ECHDC3: variants seen among roughly 807,000 people sequenced by gnomAD.
ECHDC3 encodes enoyl-CoA hydratase domain-containing protein 3, mitochondrial.
ECHDC3 carries 20 observed loss-of-function variants against 17.9 expected under a neutral mutation model. That is an observed-to-expected ratio of 1.12 (90% CI 0.79 to 1.63). ECHDC3 has a LOEUF of 1.63. Among genes scored for constraint, ECHDC3 ranks in the 40% most tolerant of loss-of-function variants. ECHDC3 has a pLI of 0.00. For synonymous variants in ECHDC3, 177 were observed against 149.7 expected (o/e 1.18, Z -1.33); for missense variants, 407 against 357.7 (o/e 1.14, Z -1.11).
intron 1 of ECHDC3, among the ~76,000 whole-genome samples, chr10:11,746,549 A>G (rs965169367): frequency 6.6e-6 from 1 of 152,198 alleles, no homozygotes; most frequent in Non-Finnish European, 1.5e-5. Context: ...ATCTTCCATC[A>G]CGTGATTATT....
chr10:11,761,081 TGCATGTG>T (rs1832944937), intron 4 of ECHDC3, among the ~76,000 whole-genome samples: 1 of 82,806 alleles, frequency 1.2e-5, no homozygotes, highest in Non-Finnish European at 3.0e-5. Context: ...GCCAGCCCAG[TGCATGTG>T]GGCTCCATCT....
At chr10:11,761,384 A>T (rs1832948969) in intron 4 of ECHDC3, among the ~76,000 whole-genome samples, 1 of 152,184 alleles carries the variant, frequency 6.6e-6, no homozygotes, top group African/African-American at 2.4e-5. Context: ...TGCAAAAGTT[A>T]TCCAAACGTC....
rs1340538158 is a variant in ECHDC3 at position 11,763,698 on chromosome 10, A to G, written c.*154A>G. Reference sequence around the variant, plus strand: ...CATTTGGCCTACATTAAAAGCCACAATTTCATGGGGAAAGGACAAAATGGA... The same window carrying G: ...CATTTGGCCTACATTAAAAGCCACAGTTTCATGGGGAAAGGACAAAATGGA... On this transcript the variant is annotated 3_prime_UTR_variant, in exon 5 of 5. Coordinates refer to ENST00000379215, the MANE Select transcript of ECHDC3 (RefSeq NM_024693.5). This position sits in a 1 kb window ranked among gnomAD's most constrained non-coding sequence, Gnocchi z 4.9. 7.7e-6 allele frequency: 11 copies of G among 1,421,988 alleles called. No individual in the cohort carries two copies. Among genetic ancestry groups the G allele is most frequent in the South Asian group, 6.1e-5 (4 of 65,544 alleles). 88.1% of individuals were successfully genotyped at this position (1,421,988 alleles called of 1,614,324 possible). A position where few individuals can be genotyped will look rare whatever the true frequency, so the allele number is the denominator to read the frequency against.
At chr10:11,748,567 G>A (rs1456350659) in intron 2 of ECHDC3, among the ~76,000 whole-genome samples, 3 of 152,178 alleles carry the variant, frequency 2.0e-5, no homozygotes, top group South Asian at 2.1e-4. Context: ...CTTACAAAAA[G>A]ACAATAATAT....
chr10:11,754,315 C>G (rs1393586026), intron 3 of ECHDC3, among the ~76,000 whole-genome samples: 5 of 152,244 alleles, frequency 3.3e-5, no homozygotes, highest in African/African-American at 1.2e-4. Flanking sequence ...CATCCTCTCT[C>G]CCTGCCAAGG....
Position 11,742,406 on chromosome 10 carries a change from G to T in ECHDC3, c.-171G>T. ...CGTAGTACGGACTGGGCCTGGCCTG[G>T]GGCGTCCCCGCGAAGCCTGGGCCTG... is the stretch of plus-strand genomic sequence containing the variant. On this transcript the variant is annotated 5_prime_UTR_variant, in exon 1 of 5. Transcript: ENST00000379215. 2.1e-6 allele frequency: 1 copy of T among 474,648 alleles called. No individual in the cohort carries two copies. Among genetic ancestry groups the T allele is most frequent in the South Asian group, 1.2e-4 (1 of 8,576 alleles). 29.4% of individuals were successfully genotyped at this position (474,648 alleles called of 1,614,324 possible).
In ECHDC3 at chr10:11,755,601, C is replaced by T. The variant is rs757996121; in HGVS notation, c.584C>T (p.Pro195Leu). ...TPGVALARAV[P>L]RKVALEMLFT... is the part of the protein sequence containing the mutation. The stretch of plus-strand genomic sequence containing the variant: ...GGGGTTGCCTTGGCAAGAGCAGTGC[C>T]TAGAAAGGTAATTTAACTCCCCCCA... Residue 195 changes from proline to leucine, a missense_variant, in exon 4 of 5, where the codon CCT becomes CTT. By Grantham distance (98) the Pro-to-Leu change is moderately conservative. Coordinates refer to ENST00000379215, the MANE Select transcript of ECHDC3 (RefSeq NM_024693.5). 4 of 1,611,956 alleles carry T rather than the reference C, an allele frequency of 2.5e-6. No homozygotes were observed. The highest frequency in any genetic ancestry group is 3.4e-6 in the Non-Finnish European group (4 of 1,179,194).
At chr10:11,748,696 G>T (rs760940173) in intron 2 of ECHDC3, among the ~76,000 whole-genome samples, 1 of 152,160 alleles carries the variant, frequency 6.6e-6, no homozygotes, top group South Asian at 2.1e-4. Context: ...GACCAGCCTG[G>T]CCAACGTGGC....
At chr10:11,757,281 G>T (rs1464401735) in intron 4 of ECHDC3, among the ~76,000 whole-genome samples, 6 of 152,086 alleles carry the variant, frequency 3.9e-5, no homozygotes, top group African/African-American at 1.2e-4. Flanking sequence ...TTAAACTTTT[G>T]AAATCAAGGC....
chr10:11,743,241 C>T (rs1304875001), intron 1 of ECHDC3, among the ~76,000 whole-genome samples: 2 of 152,206 alleles, frequency 1.3e-5, no homozygotes, highest in African/African-American at 2.4e-5. Flanking sequence ...AGGGCCCTAC[C>T]CCCTCCAGGC....
At chr10:11,743,066 G>A (rs1832715117) in intron 1 of ECHDC3, among the ~76,000 whole-genome samples, 1 of 152,230 alleles carries the variant, frequency 6.6e-6, no homozygotes, top group Non-Finnish European at 1.5e-5. Flanking sequence ...GCTTGGTCGA[G>A]CTGCTCCTTG....
intron 4 of ECHDC3, 79 bp downstream of exon 4, chr10:11,755,687 A>G: frequency 7.4e-7 from 1 of 1,344,250 alleles, no homozygotes; most frequent in Non-Finnish European, 1.0e-6. Flanking sequence ...ATGATTCAAG[A>G]TCCGCTTGTT....
rs377496338 is a variant in ECHDC3, at chr10:11,755,545, G to A, written c.528G>A (p.Gly176=). ...ASDKSSFATP[G]VNVGLFCSTP... ...ACAAGTCCTCTTTTGCCACTCCTGG[G>A]GTGAACGTCGGGCTCTTCTGTTCTA... Residue 176 remains glycine (G), a synonymous_variant, in exon 4 of 5, where the codon GGG becomes GGA. Transcript: ENST00000379215. 4 of 1,614,098 alleles carry A rather than the reference G, an allele frequency of 2.5e-6. No individual in the cohort carries two copies. The South Asian group carries it at 4.4e-5, about 18-fold the overall frequency.
chr10:11,762,427 G>A (rs1832963854), intron 4 of ECHDC3, among the ~76,000 whole-genome samples: 1 of 152,226 alleles, frequency 6.6e-6, no homozygotes, highest in Non-Finnish European at 1.5e-5. Context: ...CCTGAGTGAC[G>A]GGTGGGGAAG....
At chr10:11,757,982 G>A (rs1832902297) in intron 4 of ECHDC3, among the ~76,000 whole-genome samples, 2 of 152,094 alleles carry the variant, frequency 1.3e-5, no homozygotes, top group African/African-American at 4.8e-5. Context: ...TATTTTGGGG[G>A]GTGGGTGCGT....
At position 11,742,723 on chromosome 10, in the gene ECHDC3, C is replaced by G; in HGVS notation, c.147C>G (p.Ser49Arg). The change falls in exon 1 of 5, where the codon AGC becomes AGG. Residue 49 changes from serine to arginine, a missense_variant. Physicochemically the swap from Ser to Arg is moderately radical, Grantham distance 110. Transcript: ENST00000379215. ...GRRESEPRPT[S>R]ARQLDGIRNI... ...GGGAGTCGGAGCCGCGGCCCACCAG[C>G]GCGCGGCAGCTGGACGGCATAAGGT... 1.6e-6 allele frequency: 2 copies of G among 1,234,628 alleles called. No homozygotes were observed. Among genetic ancestry groups the G allele is most frequent in the South Asian group, 7.3e-5 (2 of 27,468 alleles). The allele number at this position is 1,234,628 out of a possible 1,614,324, so 76.5% of individuals were successfully genotyped here. A position where few individuals can be genotyped will look rare whatever the true frequency, so the allele number is the denominator to read the frequency against.
chr10:11,748,323 G>T (rs887474156), intron 2 of ECHDC3, among the ~76,000 whole-genome samples: 9 of 151,842 alleles, frequency 5.9e-5, no homozygotes, highest in African/African-American at 2.2e-4. Context: ...AAACTTCTGG[G>T]CTCAAGTGAT....
At chr10:11,762,126 A>G (rs918789795) in intron 4 of ECHDC3, among the ~76,000 whole-genome samples, 1 of 152,096 alleles carries the variant, frequency 6.6e-6, no homozygotes, top group Admixed American at 6.5e-5. Context: ...GACATACACT[A>G]TAAACAAACG....
chr10:11,747,571 T>A, intron 2 of ECHDC3, 101 bp downstream of exon 2: 1 of 1,406,302 alleles, frequency 7.1e-7, no homozygotes, highest in Non-Finnish European at 9.8e-7. Context: ...GGAGAATTGT[T>A]TTGAAGCTCC....
Sources: gnomAD v4.1 joint callset for allele counts (sites outside exome capture counted in the v4.1 genomes callset) on GRCh38, gnomAD v4.1.1 for gene constraint, Gnocchi (gnomAD v3.1) non-coding constraint, MANE v1.5 for transcripts, NCBI Gene and HGNC (gene_info 2026-07-23, HGNC 2026-07-21) for gene names.